PRKAA1: variants seen among roughly 807,000 people sequenced by gnomAD.
The protein encoded by PRKAA1 is protein kinase AMP-activated catalytic subunit alpha 1.
In PRKAA1, 23 loss-of-function variants were observed where a neutral mutation model predicts 56.9. The observed-to-expected ratio is 0.40, with a 90% CI of 0.29 to 0.57. The LOEUF is 0.57. Among genes scored for constraint, PRKAA1 ranks in the 20% least tolerant of loss-of-function variants. PRKAA1 has a pLI of 0.39. For missense variants in PRKAA1, 413 were observed against 679.7 expected (o/e 0.61, Z 4.36); for synonymous variants, 226 against 227.0 (o/e 1.00, Z 0.04).
At chr5:40,791,350 G>T (rs774586031) in intron 1 of PRKAA1, among the ~76,000 whole-genome samples, 15 of 152,194 alleles carry the variant, frequency 9.9e-5, no homozygotes, top group Admixed American at 2.6e-4. Flanking sequence ...TTTGGCCACG[G>T]AAGACTTGCA....
rs1579706397 is a variant in PRKAA1, at chr5:40,762,340, T to C, written c.*438A>G. ...TACTACTGCTGGAAGATACTAGCTA[T>C]TTATGAAGTTAAGGAGCCCAGAAAA... On this transcript the variant is annotated 3_prime_UTR_variant, in exon 9 of 9. Coordinates refer to ENST00000397128, the MANE Select transcript of PRKAA1 (RefSeq NM_006251.6). The C allele has an allele frequency of 6.0e-6, 1 of 165,294 alleles. No homozygotes were observed. Among genetic ancestry groups the C allele is most frequent in the Admixed American group, 5.8e-5 (1 of 17,220 alleles). 10.2% of individuals were successfully genotyped at this position (165,294 alleles called of 1,614,324 possible).
rs1745034429 is a variant in PRKAA1, at chr5:40,798,214, G to A, written c.-25C>T. 2 of 608,032 alleles carry A rather than the reference G, an allele frequency of 3.3e-6. No homozygotes were observed. Among genetic ancestry groups the A allele is most frequent in the Non-Finnish European group, 5.4e-6 (2 of 373,118 alleles). 37.7% of individuals were successfully genotyped at this position (608,032 alleles called of 1,614,324 possible). A position where few individuals can be genotyped will look rare whatever the true frequency, so the allele number is the denominator to read the frequency against. On this transcript the variant is annotated 5_prime_UTR_variant, in exon 1 of 9. Coordinates refer to ENST00000397128, the MANE Select transcript of PRKAA1 (RefSeq NM_006251.6). ...TGGCGCTGCGGGAGGGGGCGGAGGG[G>A]GCGGGCAGGGCCGCGCCGGGGGCGG... is the stretch of plus-strand genomic sequence containing the variant.
At chr5:40,796,280 G>T (rs1020128058) in intron 1 of PRKAA1, among the ~76,000 whole-genome samples, 1 of 151,674 alleles carries the variant, frequency 6.6e-6, no homozygotes. Context: ...CACACCACAC[G>T]GCACTCCAGC....
chr5:40,783,856 T>C (rs1282306063), intron 1 of PRKAA1, among the ~76,000 whole-genome samples: 2 of 152,208 alleles, frequency 1.3e-5, no homozygotes, highest in Non-Finnish European at 2.9e-5. Flanking sequence ...GAACCCCTAA[T>C]TCCAATTGCA....
Position 40,767,503 on chromosome 5 carries a change from C to G in PRKAA1, c.784G>C (p.Val262Leu). The change falls in exon 6 of 9, where the codon GTG becomes CTG. Residue 262 changes from valine (V) to leucine (L), a missense_variant. Coordinates refer to ENST00000397128, the MANE Select transcript of PRKAA1 (RefSeq NM_006251.6). ...ATTGTGGCCCTCTTCATGGGATCCA[C>G]CTGCAGCATATGTTTCAAAAGGCTA... Reference protein sequence around the residue: ...VISLLKHMLQVDPMKRATIKD... With the variant: ...VISLLKHMLQLDPMKRATIKD... 6.2e-7 allele frequency: 1 copy of G among 1,613,430 alleles called. No individual in the cohort carries two copies. The highest frequency in any genetic ancestry group is 8.5e-7 in the Non-Finnish European group (1 of 1,179,652).
Position 40,798,117 on chromosome 5 carries a change from C to T in PRKAA1, c.73G>A (p.Gly25Ser), listed in dbSNP as rs759922711. The change falls in exon 1 of 9, where the codon GGC becomes AGC. Residue 25 changes from glycine to serine, a missense_variant. Gly to Ser is a moderately conservative substitution (Grantham distance 56, BLOSUM62 0). This residue lies in a region of PRKAA1 where 61 missense variants were observed against 73.1 expected (regional missense o/e 0.83). Transcript: ENST00000397128. ...KQKHDGRVKI[G>S]HYILGDTLGV... Reference sequence around the variant, plus strand: ...AGCGTGTCACCCAGAATGTAGTGGCCGATCTTCACCCGCCCGTCGTGTTTC... The same window carrying T: ...AGCGTGTCACCCAGAATGTAGTGGCTGATCTTCACCCGCCCGTCGTGTTTC... 3 of 1,607,124 alleles carry T rather than the reference C, an allele frequency of 1.9e-6. No individual in the cohort carries two copies. The highest frequency in any genetic ancestry group is 1.1e-5 in the South Asian group (1 of 90,882).
At position 40,785,493 on chromosome 5, in the gene PRKAA1, G is replaced by A. The variant is rs896026446; in HGVS notation, c.128-7907C>T. Among the ~76,000 whole-genome samples, 9 of 151,762 alleles carry A rather than the reference G, an allele frequency of 5.9e-5. 1 individual carries two copies. The highest frequency in any genetic ancestry group is 5.2e-4 in the Admixed American group (8 of 15,246). Reference sequence around the variant, plus strand: ...GACCGCAGGTGATCCGCCCCCCCTCGGCCTCCCAAAGTGCTGGGATTACAG... The same window carrying A: ...GACCGCAGGTGATCCGCCCCCCCTCAGCCTCCCAAAGTGCTGGGATTACAG... On this transcript the variant is annotated intron_variant, in intron 1 of 8. Transcript: ENST00000397128.
intron 1 of PRKAA1, among the ~76,000 whole-genome samples, chr5:40,780,411 G>A (rs984703453): frequency 4.6e-5 from 7 of 152,042 alleles, no homozygotes; most frequent in African/African-American, 7.2e-5. Flanking sequence ...CAGCATTCTC[G>A]ACAGACATAA....
intron 1 of PRKAA1, among the ~76,000 whole-genome samples, chr5:40,785,806 T>C (rs1744443094): frequency 6.9e-6 from 1 of 145,006 alleles, no homozygotes; most frequent in Non-Finnish European, 1.5e-5. Context: ...CCTGGTATCC[T>C]TACAAGAAGA....
chr5:40,792,982 G>A (rs906855040), intron 1 of PRKAA1, among the ~76,000 whole-genome samples: 1 of 151,388 alleles, frequency 6.6e-6, no homozygotes, highest in Non-Finnish European at 1.5e-5. Flanking sequence ...CTGGAGAATC[G>A]CTTGAACCCG....
intron 1 of PRKAA1, among the ~76,000 whole-genome samples, chr5:40,796,133 A>AC (rs1579768358): frequency 2.0e-5 from 3 of 152,114 alleles, no homozygotes; most frequent in Non-Finnish European, 4.4e-5. Flanking sequence ...CCGGGCCAAC[A>AC]TGGTGAAACC....
intron 1 of PRKAA1, among the ~76,000 whole-genome samples, chr5:40,779,068 G>A (rs1243707841): frequency 6.6e-6 from 1 of 151,666 alleles, no homozygotes; most frequent in East Asian, 1.9e-4. Flanking sequence ...CAAAGTGCTA[G>A]GATTATAGGT....
At chr5:40,797,228 C>T in intron 1 of PRKAA1, among the ~76,000 whole-genome samples, 1 of 152,148 alleles carries the variant, frequency 6.6e-6, no homozygotes, top group South Asian at 2.1e-4. Flanking sequence ...TTTCTTAAAA[C>T]AAAAGTTCGA....
At chr5:40,790,381 T>C (rs1486637911) in intron 1 of PRKAA1, among the ~76,000 whole-genome samples, 1 of 152,212 alleles carries the variant, frequency 6.6e-6, no homozygotes, top group Non-Finnish European at 1.5e-5. Context: ...AACTGCTCCT[T>C]ATACCCTCAC....
At chr5:40,796,248 G>A (rs571871226) in intron 1 of PRKAA1, among the ~76,000 whole-genome samples, 10 of 152,172 alleles carry the variant, frequency 6.6e-5, no homozygotes, top group East Asian at 1.9e-4. Flanking sequence ...CCCAGGAAGC[G>A]GAGGTTGCAA....
At chr5:40,783,554 G>C (rs1395257961) in intron 1 of PRKAA1, among the ~76,000 whole-genome samples, 1 of 152,008 alleles carries the variant, frequency 6.6e-6, no homozygotes, top group Non-Finnish European at 1.5e-5. Context: ...TCAGGAGTTC[G>C]AGACCAGTTT....
At chr5:40,797,199 A>G (rs1431667825) in intron 1 of PRKAA1, among the ~76,000 whole-genome samples, 1 of 152,236 alleles carries the variant, frequency 6.6e-6, no homozygotes, top group Non-Finnish European at 1.5e-5. Context: ...CGAATGCTGT[A>G]CAATGCACCC....
chr5:40,771,891 A>G (rs1156615235), intron 3 of PRKAA1, 28 bp from the exon 4 acceptor site: 3 of 1,598,410 alleles, frequency 1.9e-6, no homozygotes, highest in South Asian at 1.1e-5. Context: ...GGCTTTTTAA[A>G]GGTGTGTCTT....
At chr5:40,793,841 C>A (rs1272826321) in intron 1 of PRKAA1, among the ~76,000 whole-genome samples, 1 of 152,152 alleles carries the variant, frequency 6.6e-6, no homozygotes, top group Non-Finnish European at 1.5e-5. Context: ...TGGTTCAGGC[C>A]TGTAATCCCA....
Sources: gnomAD v4.1 joint callset for allele counts (sites outside exome capture counted in the v4.1 genomes callset) on GRCh38, gnomAD v4.1.1 for gene constraint, gnomAD v4.1.1 regional missense constraint, MANE v1.5 for transcripts, NCBI Gene and HGNC (gene_info 2026-07-23, HGNC 2026-07-21) for gene names.